Variants in SMAD1 observed in about 807,000 individuals in gnomAD.
The protein encoded by SMAD1 is MAD, mothers against decapentaplegic homolog 1.
SMAD1 carries 6 observed loss-of-function variants against 41.6 expected under a neutral mutation model. The ratio of observed to expected loss-of-function variants is 0.14; its 90% CI spans 0.08 to 0.28. SMAD1 has a LOEUF of 0.28. Among genes scored for constraint, SMAD1 ranks in the 10% least tolerant of loss-of-function variants. The pLI is 1.00. For synonymous variants in SMAD1, 206 were observed against 203.2 expected, an observed-to-expected ratio of 1.01 and a Z score of -0.12; for missense variants, 379 against 582.6, an observed-to-expected ratio of 0.65 and a Z score of 3.60.
chr4:145,546,181 C>G (rs190972676), intron 4 of SMAD1: 28 of 156,684 alleles, frequency 1.8e-4, no homozygotes, highest in Non-Finnish European at 3.0e-4. Context: ...GGTAAAGTAA[C>G]TTCTTATCAA....
Position 145,536,218 on chromosome 4 carries a change from A to G in SMAD1, c.401-3586A>G, listed in dbSNP as rs1030507037. The stretch of plus-strand genomic sequence containing the variant: ...CACTTGGATGTAACAGCATAACCCA[A>G]TTTCCAGTACACACACGCACACACA... On this transcript the variant is annotated intron_variant, in intron 2 of 6. Coordinates refer to ENST00000302085, the MANE Select transcript of SMAD1 (RefSeq NM_005900.3). 3.3e-5 allele frequency among the ~76,000 whole-genome samples: 5 copies of G among 152,098 alleles called. No individual in the cohort carries two copies. The South Asian group carries it at 6.2e-4, about 19-fold the overall frequency.
intron 1 of SMAD1, among the ~76,000 whole-genome samples, chr4:145,492,846 A>G (rs1437390498): frequency 6.6e-6 from 1 of 152,172 alleles, no homozygotes; most frequent in Non-Finnish European, 1.5e-5. Flanking sequence ...CCAAATATAT[A>G]TTTTACAGTA....
intron 2 of SMAD1, 121 bp downstream of exon 2, chr4:145,515,134 C>CTGTGTGTGTGTG (rs377610507): frequency 1.6e-4 from 85 of 535,692 alleles, no homozygotes; most frequent in Middle Eastern, 4.0e-4. Flanking sequence ...TTTGGGGAAA[C>CTGTGTGTGTGTG]TGTGTGTGTG....
intron 1 of SMAD1, among the ~76,000 whole-genome samples, chr4:145,511,632 T>C (rs561113253): frequency 7.2e-5 from 11 of 152,356 alleles, no homozygotes; most frequent in Admixed American, 2.0e-4. Context: ...CAGTTGTTGC[T>C]TTATTATGAC....
chr4:145,527,459 G>A lies in SMAD1; in HGVS notation c.401-12345G>A, dbSNP rs374970793. Among the ~76,000 whole-genome samples, 34 of 152,134 alleles carry A rather than the reference G, an allele frequency of 2.2e-4. No homozygotes were observed. In the East Asian group the frequency reaches 3.5e-3, roughly 16 times the overall value. ...GGGATGGTCTCGATCTCCTGACCTC[G>A]TGATCCGCCCGCCTCGGCCTCCCAA... On this transcript the variant is annotated intron_variant, in intron 2 of 6. Transcript: ENST00000302085.
At chr4:145,541,709 T>C (rs1731946537) in intron 3 of SMAD1, among the ~76,000 whole-genome samples, 1 of 152,188 alleles carries the variant, frequency 6.6e-6, no homozygotes, top group African/African-American at 2.4e-5. Flanking sequence ...TGACAGTTGC[T>C]CTGAGTGGTC....
At chr4:145,537,837 A>G (rs775207331) in intron 2 of SMAD1, among the ~76,000 whole-genome samples, 2 of 152,214 alleles carry the variant, frequency 1.3e-5, no homozygotes, top group African/African-American at 4.8e-5. Flanking sequence ...TAAAACTGTT[A>G]GGAAACAAGA....
At chr4:145,513,972 G>A (rs944962932) in intron 1 of SMAD1, among the ~76,000 whole-genome samples, 2 of 152,142 alleles carry the variant, frequency 1.3e-5, no homozygotes, top group African/African-American at 2.4e-5. Context: ...GTCTGCTTTG[G>A]TTGCCATAAT....
intron 1 of SMAD1, among the ~76,000 whole-genome samples, chr4:145,500,759 A>G (rs1161698910): frequency 2.0e-5 from 3 of 152,216 alleles, no homozygotes; most frequent in Non-Finnish European, 4.4e-5. Context: ...CATTAAACAG[A>G]CAAAAACTAG....
intron 4 of SMAD1, 31 bp downstream of exon 4, chr4:145,542,729 T>TA (rs1732019573): frequency 7.0e-7 from 1 of 1,429,124 alleles, no homozygotes; most frequent in South Asian, 1.2e-5. Flanking sequence ...TTCCCTTTTT[T>TA]AGAGTCTAAA....
At chr4:145,489,853 G>C (rs1451858129) in intron 1 of SMAD1, among the ~76,000 whole-genome samples, 2 of 152,118 alleles carry the variant, frequency 1.3e-5, no homozygotes, top group Non-Finnish European at 2.9e-5. Flanking sequence ...CCCACGGTTA[G>C]GAATTAATAG....
chr4:145,530,247 G>A (rs1275340536), intron 2 of SMAD1, among the ~76,000 whole-genome samples: 2 of 152,172 alleles, frequency 1.3e-5, no homozygotes, highest in African/African-American at 4.8e-5. Context: ...TCTACCAGGG[G>A]TGGATAGAAA....
intron 1 of SMAD1, among the ~76,000 whole-genome samples, chr4:145,504,188 A>G (rs925844123): frequency 6.6e-5 from 10 of 152,224 alleles, no homozygotes; most frequent in African/African-American, 2.2e-4. Context: ...TTAGAGCCAC[A>G]GTTTCCAAGA....
In SMAD1 at chr4:145,525,122, C is replaced by G. The variant is rs373318276; in HGVS notation, c.400+10109C>G. ...GAGAGAAATAGAAGAGGATGGTCGG[C>G]TTATGTAATGATCTCAGGCTGATTA... On this transcript the variant is annotated intron_variant, in intron 2 of 6. Coordinates refer to ENST00000302085, the MANE Select transcript of SMAD1 (RefSeq NM_005900.3). Among the ~76,000 whole-genome samples, 65 of 152,264 alleles carry G rather than the reference C, an allele frequency of 4.3e-4. 1 individual carries two copies. The South Asian group carries it at 0.012, about 27-fold the overall frequency.
At chr4:145,532,101 T>C (rs1462154841) in intron 2 of SMAD1, among the ~76,000 whole-genome samples, 1 of 152,202 alleles carries the variant, frequency 6.6e-6, no homozygotes, top group Non-Finnish European at 1.5e-5. Context: ...TTAACTGTTC[T>C]TTTTCATGCT....
intron 1 of SMAD1, among the ~76,000 whole-genome samples, chr4:145,496,277 G>T (rs28464746): frequency 4.2e-4 from 64 of 152,210 alleles, no homozygotes; most frequent in Non-Finnish European, 8.2e-4. Flanking sequence ...CAAACCAAGG[G>T]GGGGACTACT....
At chr4:145,556,969 C>T (rs928491189) in intron 6 of SMAD1, among the ~76,000 whole-genome samples, 18 of 152,108 alleles carry the variant, frequency 1.2e-4, no homozygotes, top group East Asian at 3.9e-4. Flanking sequence ...TGAGCCACCG[C>T]GCCTGGCCCC....
At chr4:145,557,731 C>T (rs1264871106) in intron 6 of SMAD1, 60 bp from the exon 7 acceptor site, 1 of 1,340,306 alleles carries the variant, frequency 7.5e-7, no homozygotes, top group Admixed American at 2.0e-5. Flanking sequence ...ACTCTTCTTA[C>T]TTAATAAGTT....
At chr4:145,508,217 ATT>A (rs1560734682) in intron 1 of SMAD1, among the ~76,000 whole-genome samples, 1 of 152,000 alleles carries the variant, frequency 6.6e-6, no homozygotes, top group African/African-American at 2.4e-5. Context: ...ATATGATAAG[ATT>A]CTTCAGTCTT....
Sources: allele counts gnomAD v4.1 joint callset (sites outside exome capture counted in the v4.1 genomes callset), GRCh38; gene constraint gnomAD v4.1.1; transcripts MANE v1.5; gene names NCBI Gene and HGNC (gene_info 2026-07-23, HGNC 2026-07-21).